KLC3: variants seen among roughly 807,000 people sequenced by gnomAD.
KLC3 encodes kinesin light chain 3.
In KLC3, 72 loss-of-function variants were observed where a neutral mutation model predicts 62.9. That is an observed-to-expected ratio of 1.15 (90% CI 0.95 to 1.39). The LOEUF is 1.39. Ranked by LOEUF, KLC3 falls within the 40% of genes most tolerant of loss-of-function variation. The probability of loss-of-function intolerance (pLI) is 0.00; values close to 1 mark genes in which losing one functional copy is unlikely to be tolerated. For synonymous variants in KLC3, 377 were observed against 300.5 expected (o/e 1.25, Z -2.63); for missense variants, 848 against 691.6 (o/e 1.23, Z -2.54).
chr19:45,349,304 C>A, intron 7 of KLC3, 125 bp from the exon 8 acceptor site: 1 of 992,264 alleles, frequency 1.0e-6, no homozygotes, highest in South Asian at 1.6e-5. Flanking sequence ...CCCCAGCCCC[C>A]AACCTCTCAG....
Position 45,351,392 on chromosome 19 carries a change from G to T in KLC3, c.*35G>T. 6.2e-7 allele frequency: 1 copy of T among 1,606,112 alleles called. No homozygotes were observed. On this transcript the variant is annotated 3_prime_UTR_variant, in exon 13 of 13. Transcript: ENST00000391946. ...AACTGCGCTGGCCGCAGCTTCTTGGGAACAGTGCAGGAGGGATGGGCTGGT... is the reference window on the plus strand; with the variant it reads ...AACTGCGCTGGCCGCAGCTTCTTGGTAACAGTGCAGGAGGGATGGGCTGGT...
intron 8 of KLC3, chr19:45,349,941 C>T: frequency 4.8e-6 from 2 of 414,810 alleles, no homozygotes; most frequent in Non-Finnish European, 8.7e-6. Context: ...GGAGCTGTCG[C>T]TCCACTTTGC....
rs1482526170 is a variant in KLC3 at position 45,349,614 on chromosome 19, G to A, written c.1143+12G>A. The A allele has an allele frequency of 1.2e-6, 2 of 1,600,612 alleles. No homozygotes were observed. Among genetic ancestry groups the A allele is most frequent in the South Asian group, 2.2e-5 (2 of 90,192 alleles). ...CCAAGAACAACCTGGTGAGGCCCCT[G>A]GGGCTCAGAGTGGGCCAAGAGTGGA... is the stretch of plus-strand genomic sequence containing the variant. On this transcript the variant is annotated intron_variant, in intron 8 of 12. Coordinates refer to ENST00000391946, the MANE Select transcript of KLC3 (RefSeq NM_177417.3).
At chr19:45,351,191 G>C in intron 12 of KLC3, 95 bp from the exon 13 acceptor site, 1 of 1,585,356 alleles carries the variant, frequency 6.3e-7, no homozygotes, top group South Asian at 1.1e-5. Context: ...CGAGGGGGTT[G>C]GATAGTTGGC....
chr19:45,349,890 G>C (rs539991677), intron 8 of KLC3: 3 of 468,306 alleles, frequency 6.4e-6, no homozygotes, highest in Non-Finnish European at 1.1e-5. Context: ...CTCTTAGCCC[G>C]GTCCCCACAT....
rs1400605920 is a variant in KLC3, at chr19:45,350,955, A to G, written c.1381A>G (p.Met461Val). Residue 461 changes from methionine (M) to valine (V), a missense_variant and splice_region_variant, in exon 12 of 13, where the codon ATG (methionine) becomes GTG (valine). By Grantham distance (21) the Met-to-Val change is conservative (BLOSUM62 1). Coordinates refer to ENST00000391946, the MANE Select transcript of KLC3 (RefSeq NM_177417.3). ...TCCTCCCTGCTGCCCTCTTTGCAGA[A>G]TGAAGAGAGCCATGTCACTCAACAC... ...RGEAAAGAAG[M>V]KRAMSLNTLN... The G allele has an allele frequency of 6.2e-7, 1 of 1,613,934 alleles. No individual in the cohort carries two copies. The highest frequency in any genetic ancestry group is 8.5e-7 in the Non-Finnish European group (1 of 1,179,960).
chr19:45,342,783 AT>A (rs1971419153), intron 1 of KLC3, among the ~76,000 whole-genome samples: 1 of 152,080 alleles, frequency 6.6e-6, no homozygotes, highest in Non-Finnish European at 1.5e-5. Flanking sequence ...ATAAAATTAA[AT>A]TTTTTAAAGG....
chr19:45,346,029 G>A (rs1019522596), intron 2 of KLC3, among the ~76,000 whole-genome samples: 3 of 152,160 alleles, frequency 2.0e-5, no homozygotes, highest in Admixed American at 2.0e-4. Flanking sequence ...AGCTGGGCAT[G>A]AGGGCTCCTG....
In KLC3 at chr19:45,349,422, C is replaced by T; in HGVS notation, c.970-7C>T. 5 of 1,596,664 alleles carry T rather than the reference C, an allele frequency of 3.1e-6. No individual in the cohort carries two copies. Among genetic ancestry groups the T allele is most frequent in the Non-Finnish European group, 4.3e-6 (5 of 1,169,386 alleles). Reference sequence around the variant, plus strand: ...GATCCCTCTGACTTGTGACCCCTGGCCCCCAGGTCCTGGGTGCTGACCACC... The same window carrying T: ...GATCCCTCTGACTTGTGACCCCTGGTCCCCAGGTCCTGGGTGCTGACCACC... On this transcript the variant is annotated splice_polypyrimidine_tract_variant and splice_region_variant and intron_variant, in intron 7 of 12. Coordinates refer to ENST00000391946, the MANE Select transcript of KLC3 (RefSeq NM_177417.3).
chr19:45,349,705 G>GCCCCCCCCCCCCCCCCCC, intron 8 of KLC3, 103 bp downstream of exon 8: 2 of 789,578 alleles, frequency 2.5e-6, no homozygotes, highest in Middle Eastern at 4.6e-4. Context: ...GTGGGGGGGG[G>GCCCCCCCCCCCCCCCCCC]CCCCCCAGGC....
rs1251256835 is a variant in KLC3 at position 45,348,018 on chromosome 19, C to T, written c.637C>T (p.Leu213Phe). The T allele has an allele frequency of 6.2e-6, 10 of 1,609,236 alleles. No individual in the cohort carries two copies. In the Admixed American group the frequency reaches 1.5e-4, roughly 24 times the overall value. ...IPARLRTLHN[L>F]VIQYAGQGRY... ...TGCCCGCCTTCGGACCCTGCATAACCTCGTGATCCAGTACGCGGGGCAGGG... is the reference window on the plus strand; with the variant it reads ...TGCCCGCCTTCGGACCCTGCATAACTTCGTGATCCAGTACGCGGGGCAGGG... Residue 213 changes from leucine (L) to phenylalanine (F), a missense_variant, in exon 5 of 13, where the codon CTC (leucine) becomes TTC (phenylalanine). Transcript: ENST00000391946.
At chr19:45,345,395 T>C in intron 1 of KLC3, 139 bp from the exon 2 acceptor site, 1 of 1,116,586 alleles carries the variant, frequency 9.0e-7, no homozygotes, top group South Asian at 1.5e-5. Flanking sequence ...GGCAGAGGGC[T>C]GGCCAGGATG....
chr19:45,342,448 G>T (rs558071416), intron 1 of KLC3, among the ~76,000 whole-genome samples: 1 of 152,120 alleles, frequency 6.6e-6, no homozygotes, highest in East Asian at 1.9e-4. Flanking sequence ...GCTGGGCATA[G>T]TTTAGTTTTT....
chr19:45,348,610 G>A (rs1311316897), intron 5 of KLC3, 36 bp from the exon 6 acceptor site: 9 of 1,549,124 alleles, frequency 5.8e-6, no homozygotes, highest in South Asian at 1.2e-5. Context: ...CCCAACCCTT[G>A]GCTAACCCCC....
chr19:45,345,774 T>A lies in KLC3; in HGVS notation c.233T>A (p.Ile78Asn). ...QQVVSHSLEA[I>N]ELGLGEAQVL... ...GTGGTGAGCCACTCGCTGGAGGCCA[T>A]CGAGCTGGGGCTGGGCGAGGCCCAG... Residue 78 changes from isoleucine to asparagine, a missense_variant, in exon 2 of 13, where the codon ATC becomes AAC. Coordinates refer to ENST00000391946, the MANE Select transcript of KLC3 (RefSeq NM_177417.3). 1.3e-6 allele frequency: 2 copies of A among 1,550,626 alleles called. No individual in the cohort carries two copies. The highest frequency in any genetic ancestry group is 1.7e-6 in the Non-Finnish European group (2 of 1,147,884).
At position 45,351,456 on chromosome 19, in the gene KLC3, G is replaced by T; in HGVS notation, c.*99G>T. ...GTCTATCATCTCCTGGCCCCCCCTT[G>T]CCTCTGGGTACCTGGTGGATAGCTG... is the stretch of plus-strand genomic sequence containing the variant. On this transcript the variant is annotated 3_prime_UTR_variant, in exon 13 of 13. Transcript: ENST00000391946. 6.3e-7 allele frequency: 1 copy of T among 1,582,854 alleles called. No homozygotes were observed. The highest frequency in any genetic ancestry group is 8.6e-7 in the Non-Finnish European group (1 of 1,168,172).
chr19:45,350,676 T>C lies in KLC3; in HGVS notation c.1308T>C (p.Arg436=), dbSNP rs765131448. 8 of 1,613,716 alleles carry C rather than the reference T, an allele frequency of 5.0e-6. No individual in the cohort carries two copies. In the South Asian group the frequency reaches 8.8e-5, roughly 18 times the overall value. Residue 436 remains arginine (R), a synonymous_variant, in exon 11 of 13, where the codon CGT becomes CGC. Coordinates refer to ENST00000391946, the MANE Select transcript of KLC3 (RefSeq NM_177417.3). ...GCAGCAGCTCACTCTCCAAGATCCGTGAGTCTATCAGGCGAGGAAGTGAGA... is the reference window on the plus strand; with the variant it reads ...GCAGCAGCTCACTCTCCAAGATCCGCGAGTCTATCAGGCGAGGAAGTGAGA... The part of the protein sequence containing the change: ...LRRSSSLSKI[R]ESIRRGSEKL...
Position 45,348,906 on chromosome 19 carries a change from G to A in KLC3, c.954G>A (p.Leu318=). 3 of 1,581,260 alleles carry A rather than the reference G, an allele frequency of 1.9e-6. No homozygotes were observed. Among genetic ancestry groups the A allele is most frequent in the East Asian group, 4.6e-5 (2 of 43,600 alleles). Residue 318 remains leucine (L), a synonymous_variant, in exon 7 of 13, where the codon TTG becomes TTA. Transcript: ENST00000391946. ...REAEPLCQRA[L]EIREKVLGAD... ...CAGAGCCCCTGTGCCAGCGCGCTTT[G>A]GAGATCCGAGAGAAGGTCCCATCCC...
At chr19:45,343,903 A>C (rs568202584) in intron 1 of KLC3, among the ~76,000 whole-genome samples, 2 of 152,210 alleles carry the variant, frequency 1.3e-5, no homozygotes, top group Admixed American at 1.3e-4. Flanking sequence ...CAGTGGCACT[A>C]TCATGGCTCA....
Sources: gnomAD v4.1 joint callset for allele counts (sites outside exome capture counted in the v4.1 genomes callset) on GRCh38, gnomAD v4.1.1 for gene constraint, MANE v1.5 for transcripts, NCBI Gene and HGNC (gene_info 2026-07-23, HGNC 2026-07-21) for gene names.